NRXN3: variants seen among roughly 807,000 people sequenced by gnomAD.
NRXN3 encodes neurexin III.
NRXN3 carries 32 observed loss-of-function variants against 137.6 expected under a neutral mutation model. That is an observed-to-expected ratio of 0.23 (90% confidence interval 0.18 to 0.31). The LOEUF is 0.31. Ranked by LOEUF, NRXN3 falls within the 10% of genes least tolerant of loss-of-function variation. NRXN3 has a pLI of 1.00. For synonymous variants in NRXN3, 798 were observed against 784.5 expected, an observed-to-expected ratio of 1.02 and a Z score of -0.29; for missense variants, 1,574 against 2,062.5, an observed-to-expected ratio of 0.76 and a Z score of 4.59.
rs533515383 is a variant in NRXN3 at position 79,102,686 on chromosome 14, C to T, written c.3262+114545C>T. On this transcript the variant is annotated intron_variant, in intron 15 of 20. Coordinates refer to ENST00000335750, the MANE Select transcript of NRXN3 (RefSeq NM_001330195.2). Reference sequence around the variant, plus strand: ...TATAAGGCAAAAGGAGTGGTGGTGTCATAAAAATCTTTACCTCTAAGGGTT... The same window carrying T: ...TATAAGGCAAAAGGAGTGGTGGTGTTATAAAAATCTTTACCTCTAAGGGTT... 3.3e-5 allele frequency among the ~76,000 whole-genome samples: 5 copies of T among 152,206 alleles called. No homozygotes were observed. The East Asian group carries it at 7.7e-4, about 24-fold the overall frequency.
At chr14:79,288,381 T>C (rs1040682534) in intron 15 of NRXN3, among the ~76,000 whole-genome samples, 2 of 152,154 alleles carry the variant, frequency 1.3e-5, no homozygotes, top group Non-Finnish European at 2.9e-5. Context: ...GAGGAAATGG[T>C]TTATTTCTAT....
chr14:79,098,479 C>T (rs1217163922), intron 15 of NRXN3, among the ~76,000 whole-genome samples: 2 of 152,276 alleles, frequency 1.3e-5, no homozygotes, highest in South Asian at 2.1e-4. Flanking sequence ...AAGAAGCTCA[C>T]GGCCTCACTC....
intron 19 of NRXN3, among the ~76,000 whole-genome samples, chr14:79,775,744 A>G (rs1222666564): frequency 6.6e-6 from 1 of 152,016 alleles, no homozygotes; most frequent in African/African-American, 2.4e-5. Flanking sequence ...ATTCTAGCCA[A>G]CTCTGTAGAG....
intron 15 of NRXN3, among the ~76,000 whole-genome samples, chr14:79,369,381 A>G (rs536997343): frequency 6.6e-6 from 1 of 152,210 alleles, no homozygotes; most frequent in Non-Finnish European, 1.5e-5. Flanking sequence ...AGTGACTTCA[A>G]TGTTATAAAG....
At chr14:78,894,902 T>A (rs2099169108) in intron 10 of NRXN3, among the ~76,000 whole-genome samples, 1 of 151,748 alleles carries the variant, frequency 6.6e-6, no homozygotes, top group Admixed American at 6.6e-5. Context: ...AAAAATCTTT[T>A]TTTTTTCCTT....
intron 4 of NRXN3, among the ~76,000 whole-genome samples, chr14:78,370,899 G>C (rs1012281081): frequency 6.6e-6 from 1 of 152,150 alleles, no homozygotes; most frequent in Non-Finnish European, 1.5e-5. Flanking sequence ...ATTAGTCAAT[G>C]AAAGAATTAA....
At chr14:78,654,102 A>G (rs777831503) in intron 6 of NRXN3, among the ~76,000 whole-genome samples, 2 of 152,170 alleles carry the variant, frequency 1.3e-5, no homozygotes, top group Admixed American at 1.3e-4. Flanking sequence ...TAGTGCTGGC[A>G]TATTATTTCT....
intron 15 of NRXN3, among the ~76,000 whole-genome samples, chr14:79,367,272 C>G (rs1014677094): frequency 6.6e-6 from 1 of 152,232 alleles, no homozygotes; most frequent in Non-Finnish European, 1.5e-5. Context: ...CGTGAGCCAC[C>G]ACGCCCTGCC....
intron 16 of NRXN3, among the ~76,000 whole-genome samples, chr14:79,471,122 C>T (rs1014706074): frequency 1.3e-5 from 2 of 151,890 alleles, no homozygotes; most frequent in Non-Finnish European, 2.9e-5. Flanking sequence ...TCCTTTTTAC[C>T]CCCAAGTGGA....
chr14:79,148,036 A>G (rs541678967), intron 15 of NRXN3, among the ~76,000 whole-genome samples: 7 of 152,228 alleles, frequency 4.6e-5, no homozygotes, highest in South Asian at 2.1e-4. Context: ...TCATGACAGA[A>G]TCATACGTAT....
intron 4 of NRXN3, among the ~76,000 whole-genome samples, chr14:78,329,565 A>G (rs2080525929): frequency 6.6e-6 from 1 of 152,066 alleles, no homozygotes; most frequent in African/African-American, 2.4e-5. Flanking sequence ...TTTCATTAAG[A>G]GCTTTGCGCT....
At chr14:79,495,643 A>T (rs908122175) in intron 16 of NRXN3, among the ~76,000 whole-genome samples, 1 of 152,210 alleles carries the variant, frequency 6.6e-6, no homozygotes, top group African/African-American at 2.4e-5. Flanking sequence ...CAACCCTGTG[A>T]TGTAGGACTG....
chr14:79,603,227 G>A (rs1034527392), intron 16 of NRXN3, among the ~76,000 whole-genome samples: 1 of 114,390 alleles, frequency 8.7e-6, no homozygotes, highest in Non-Finnish European at 1.7e-5. Context: ...AGACTGTCAG[G>A]TTACTCCATT....
intron 19 of NRXN3, among the ~76,000 whole-genome samples, chr14:79,802,722 C>T (rs1223071898): frequency 6.6e-6 from 1 of 152,110 alleles, no homozygotes; most frequent in Non-Finnish European, 1.5e-5. Flanking sequence ...AGAAGTAGAG[C>T]TATTATAGGG....
intron 17 of NRXN3, among the ~76,000 whole-genome samples, chr14:79,691,518 G>A (rs2098716485): frequency 6.6e-6 from 1 of 151,906 alleles, no homozygotes; most frequent in Non-Finnish European, 1.5e-5. Context: ...TTAAAAATGT[G>A]GAACAAATCT....
intron 1 of NRXN3, among the ~76,000 whole-genome samples, chr14:78,234,557 A>G (rs978171065): frequency 1.3e-5 from 2 of 152,142 alleles, no homozygotes; most frequent in African/African-American, 4.8e-5. Context: ...TAACCACTAC[A>G]TTATCCCGCC....
At chr14:78,995,147 A>AT (rs1358101755) in intron 15 of NRXN3, among the ~76,000 whole-genome samples, 1 of 152,236 alleles carries the variant, frequency 6.6e-6, no homozygotes, top group Non-Finnish European at 1.5e-5. Flanking sequence ...ATCAAACTGC[A>AT]TAAAAACATA....
intron 16 of NRXN3, among the ~76,000 whole-genome samples, chr14:79,524,622 C>T (rs979217642): frequency 3.3e-5 from 5 of 152,122 alleles, no homozygotes; most frequent in African/African-American, 1.2e-4. Context: ...ACAATATTCT[C>T]CCCAGAATTA....
intron 19 of NRXN3, among the ~76,000 whole-genome samples, chr14:79,740,393 C>T (rs2098956892): frequency 6.6e-6 from 1 of 151,956 alleles, no homozygotes; most frequent in Non-Finnish European, 1.5e-5. Context: ...TCCTGGGGGG[C>T]CTGCAGGAGA....
Sources: allele counts gnomAD v4.1 joint callset (sites outside exome capture counted in the v4.1 genomes callset), GRCh38; gene constraint gnomAD v4.1.1; transcripts MANE v1.5; gene names NCBI Gene and HGNC (gene_info 2026-07-23, HGNC 2026-07-21).